Variants in SBK2 observed in about 807,000 individuals in gnomAD.
SBK2 encodes SH3 domain binding kinase family member 2.
SBK2 carries 18 observed loss-of-function variants against 15.9 expected under a neutral mutation model. The observed-to-expected ratio is 1.13, with a 90% CI of 0.78 to 1.68. The LOEUF (loss-of-function observed/expected upper bound fraction) is 1.68, where lower values mean the gene tolerates loss of function less well. Ranked by LOEUF, SBK2 falls within the 40% of genes most tolerant of loss-of-function variation. SBK2 has a pLI of 0.00. For synonymous variants in SBK2, 284 were observed against 246.8 expected, an observed-to-expected ratio of 1.15 and a Z score of -1.41; for missense variants, 581 against 510.9, an observed-to-expected ratio of 1.14 and a Z score of -1.32.
rs769952941 is a variant in SBK2, at chr19:55,529,921, G to A, written c.859C>T (p.Arg287Trp). ...FLIWQASGQP[R>W]DRPQPWFGLA... ...CCGAACCAGGGCTGAGGGCGGTCCCGGGGCTGGCCCGACGCCTGCCAGATG... is the reference window on the plus strand; with the variant it reads ...CCGAACCAGGGCTGAGGGCGGTCCCAGGGCTGGCCCGACGCCTGCCAGATG... Residue 287 changes from arginine (R) to tryptophan (W), a missense_variant, in exon 4 of 4, where the codon CGG becomes TGG. Coordinates refer to ENST00000413299, the MANE Select transcript of SBK2 (RefSeq NM_001370096.2). 1 of 1,534,154 alleles carries A rather than the reference G, an allele frequency of 6.5e-7. No homozygotes were observed. The highest frequency in any genetic ancestry group is 2.1e-5 in the Admixed American group (1 of 47,748).
intron 2 of SBK2, among the ~76,000 whole-genome samples, chr19:55,535,783 C>T (rs900183875): frequency 2.6e-5 from 4 of 152,160 alleles, no homozygotes; most frequent in Admixed American, 2.0e-4. Flanking sequence ...ACATGGGAGG[C>T]TGAGGCAGGA....
At chr19:55,531,577 C>A (rs762172885) in intron 2 of SBK2, among the ~76,000 whole-genome samples, 1 of 152,252 alleles carries the variant, frequency 6.6e-6, no homozygotes, top group African/African-American at 2.4e-5. Flanking sequence ...CAGCTGGGGG[C>A]TCAGGCCTGC....
intron 2 of SBK2, among the ~76,000 whole-genome samples, chr19:55,533,437 C>G (rs917609232): frequency 1.3e-5 from 2 of 151,720 alleles, no homozygotes; most frequent in African/African-American, 2.4e-5. Context: ...CACTTGAGGT[C>G]AGGAGTTCAA....
intron 2 of SBK2, among the ~76,000 whole-genome samples, chr19:55,535,118 T>G (rs567073622): frequency 1.1e-4 from 17 of 152,338 alleles, no homozygotes; most frequent in Non-Finnish European, 2.2e-4. Context: ...ACACTTTTTC[T>G]GCATTCATGC....
rs543318811 is a variant in SBK2 at position 55,528,825 on chromosome 19, G to A, written c.*908C>T. Among the ~76,000 whole-genome samples the A allele has an allele frequency of 6.6e-6, 1 of 152,268 alleles. No homozygotes were observed. The highest frequency in any genetic ancestry group is 1.9e-4 in the East Asian group (1 of 5,178). On this transcript the variant is annotated 3_prime_UTR_variant, in exon 4 of 4. Coordinates refer to ENST00000413299, the MANE Select transcript of SBK2 (RefSeq NM_001370096.2). The stretch of plus-strand genomic sequence containing the variant: ...GATCCCTGCTGCAGGCCATCGCTGA[G>A]TACATGGGGTCTGTCAGCAGACGGA...
At chr19:55,533,042 C>T (rs772128408) in intron 2 of SBK2, among the ~76,000 whole-genome samples, 2 of 152,130 alleles carry the variant, frequency 1.3e-5, no homozygotes, top group Non-Finnish European at 2.9e-5. Flanking sequence ...TAAATTCCCT[C>T]CTTATTGGCC....
At position 55,536,310 on chromosome 19, in the gene SBK2, GA is replaced by G; in HGVS notation, c.-2-15del. The G allele has an allele frequency of 6.7e-7, 1 of 1,490,852 alleles. No individual in the cohort carries two copies. The highest frequency in any genetic ancestry group is 1.8e-5 in the African/African-American group (1 of 56,152). The allele number at this position is 1,490,852 out of a possible 1,614,324, so 92.4% of individuals were successfully genotyped here. ...TGCCGGGCATCTCTGCGAGAACAGAGAGGGGTGCCCAGGCTCAGGTCCCAGG... is the reference window on the plus strand; with the variant it reads ...TGCCGGGCATCTCTGCGAGAACAGAGGGGGTGCCCAGGCTCAGGTCCCAGG... On this transcript the variant is annotated splice_polypyrimidine_tract_variant and intron_variant, in intron 1 of 3. Coordinates refer to ENST00000413299, the MANE Select transcript of SBK2 (RefSeq NM_001370096.2).
In SBK2 at chr19:55,534,458, C is replaced by T. The variant is rs560206638; in HGVS notation, c.253+1584G>A. Among the ~76,000 whole-genome samples the T allele has an allele frequency of 1.4e-3, 219 of 152,138 alleles. 9 individuals carry two copies. In the South Asian group the frequency reaches 0.043, roughly 30 times the overall value. ...GCACGGTGGCGCACACCTGTAATCCCAGCACTTTGGGAGGCTGAGGCAGGA... is the reference window on the plus strand; with the variant it reads ...GCACGGTGGCGCACACCTGTAATCCTAGCACTTTGGGAGGCTGAGGCAGGA... On this transcript the variant is annotated intron_variant, in intron 2 of 3. Coordinates refer to ENST00000413299, the MANE Select transcript of SBK2 (RefSeq NM_001370096.2).
chr19:55,530,051 G>T lies in SBK2; in HGVS notation c.729C>A (p.Ala243=). The part of the protein sequence containing the change: ...PLPEGLPIQP[A]LDAWALGVLL... ...GGACGCCCAGCGCCCAGGCGTCCAGGGCGGGCTGAATGGGCAGGCCCTCGG... is the reference window on the plus strand; with the variant it reads ...GGACGCCCAGCGCCCAGGCGTCCAGTGCGGGCTGAATGGGCAGGCCCTCGG... The change falls in exon 4 of 4, where the codon GCC becomes GCA. Residue 243 remains alanine, a synonymous_variant. Coordinates refer to ENST00000413299, the MANE Select transcript of SBK2 (RefSeq NM_001370096.2). 1 of 1,469,870 alleles carries T rather than the reference G, an allele frequency of 6.8e-7. No individual in the cohort carries two copies. The allele number at this position is 1,469,870 out of a possible 1,614,324, so 91.1% of individuals were successfully genotyped here.
rs756896586 is a variant in SBK2 at position 55,535,999 on chromosome 19, C to T, written c.253+43G>A. 4 of 1,421,754 alleles carry T rather than the reference C, an allele frequency of 2.8e-6. No individual in the cohort carries two copies. The Admixed American group carries it at 8.4e-5, about 30-fold the overall frequency. The allele number at this position is 1,421,754 out of a possible 1,614,324, so 88.1% of individuals were successfully genotyped here. On this transcript the variant is annotated intron_variant, in intron 2 of 3. Transcript: ENST00000413299. Reference sequence around the variant, plus strand: ...TGGGCTACCCCAGGCCCGTGCCCCGCCCCCAGCTGAACCCTGCCACCTCTG... The same window carrying T: ...TGGGCTACCCCAGGCCCGTGCCCCGTCCCCAGCTGAACCCTGCCACCTCTG...
chr19:55,530,157 C>T lies in SBK2; in HGVS notation c.623G>A (p.Arg208Lys), dbSNP rs1988215690. ...CAGGCGCAGCAGCGTCCCGCGAGGC[C>T]TCGTGTGGCCGAAGTCGGTCAGCTT... is the stretch of plus-strand genomic sequence containing the variant. ...RFKLTDFGHT[R>K]PRGTLLRLAG... Residue 208 changes from arginine to lysine, a missense_variant, in exon 4 of 4, where the codon AGG becomes AAG. Physicochemically the swap from Arg to Lys is conservative, Grantham distance 26. Transcript: ENST00000413299. 2.6e-6 allele frequency: 4 copies of T among 1,516,010 alleles called. No homozygotes were observed. The highest frequency in any genetic ancestry group is 3.5e-6 in the Non-Finnish European group (4 of 1,133,774). 93.9% of individuals were successfully genotyped at this position (1,516,010 alleles called of 1,614,324 possible).
rs983540490 is a variant in SBK2, at chr19:55,530,059, G to C, written c.721C>G (p.Gln241Glu). 4.1e-6 allele frequency: 6 copies of C among 1,461,134 alleles called. No individual in the cohort carries two copies. The African/African-American group carries it at 7.4e-5, about 18-fold the overall frequency. The allele number at this position is 1,461,134 out of a possible 1,614,324, so 90.5% of individuals were successfully genotyped here. Residue 241 changes from glutamine to glutamate, a missense_variant, in exon 4 of 4, where the codon CAG becomes GAG. Physicochemically the swap from Gln to Glu is conservative, Grantham distance 29. Coordinates refer to ENST00000413299, the MANE Select transcript of SBK2 (RefSeq NM_001370096.2). ...AGCGCCCAGGCGTCCAGGGCGGGCT[G>C]AATGGGCAGGCCCTCGGGGAGCGGC... ...PPPLPEGLPI[Q>E]PALDAWALGV...
At position 55,530,082 on chromosome 19, in the gene SBK2, G is replaced by A. The variant is rs990574585; in HGVS notation, c.698C>T (p.Pro233Leu). Reference sequence around the variant, plus strand: ...CTGAATGGGCAGGCCCTCGGGGAGCGGCGGGGGCGCGCAGAGCTCGGGGGC... The same window carrying A: ...CTGAATGGGCAGGCCCTCGGGGAGCAGCGGGGGCGCGCAGAGCTCGGGGGC... Reference protein sequence around the residue: ...YTAPELCAPPPLPEGLPIQPA... With the variant: ...YTAPELCAPPLLPEGLPIQPA... Residue 233 changes from proline to leucine, a missense_variant, in exon 4 of 4, where the codon CCG becomes CTG. Physicochemically the swap from Pro to Leu is moderately conservative, Grantham distance 98. Coordinates refer to ENST00000413299, the MANE Select transcript of SBK2 (RefSeq NM_001370096.2). 8 of 1,441,108 alleles carry A rather than the reference G, an allele frequency of 5.6e-6. No homozygotes were observed. Among genetic ancestry groups the A allele is most frequent in the Middle Eastern group, 2.0e-4 (1 of 5,036 alleles). 89.3% of individuals were successfully genotyped at this position (1,441,108 alleles called of 1,614,324 possible). A position where few individuals can be genotyped will look rare whatever the true frequency, so the allele number is the denominator to read the frequency against.
At position 55,530,069 on chromosome 19, in the gene SBK2, G is replaced by T; in HGVS notation, c.711C>A (p.Gly237=). The T allele has an allele frequency of 6.9e-7, 1 of 1,450,098 alleles. No individual in the cohort carries two copies. 89.8% of individuals were successfully genotyped at this position (1,450,098 alleles called of 1,614,324 possible). A position where few individuals can be genotyped will look rare whatever the true frequency, so the allele number is the denominator to read the frequency against. ...CGTCCAGGGCGGGCTGAATGGGCAG[G>T]CCCTCGGGGAGCGGCGGGGGCGCGC... ...ELCAPPPLPE[G]LPIQPALDAW... is the part of the protein sequence containing the mutation. The change falls in exon 4 of 4, where the codon GGC becomes GGA. Residue 237 remains glycine (G), a synonymous_variant. Transcript: ENST00000413299.
In SBK2 at chr19:55,529,125, T is replaced by A. The variant is rs151044824; in HGVS notation, c.*608A>T. Among the ~76,000 whole-genome samples the A allele has an allele frequency of 9.9e-3, 1,505 of 151,948 alleles. 28 individuals carry two copies. The highest frequency in any genetic ancestry group is 0.033 in the African/African-American group (1,364 of 41,220). ...AAAGTTAAAAATTAGCCTAGCGTGG[T>A]GGCGCATGCCTGTAGTCCCAGCTAC... On this transcript the variant is annotated 3_prime_UTR_variant, in exon 4 of 4. Transcript: ENST00000413299.
chr19:55,532,273 C>T (rs549529503), intron 2 of SBK2, among the ~76,000 whole-genome samples: 14 of 150,996 alleles, frequency 9.3e-5, no homozygotes, highest in South Asian at 2.1e-4. Flanking sequence ...CTAAACTCCC[C>T]GAAGGAACTT....
rs375021940 is a variant in SBK2, at chr19:55,531,160, C to T, written c.439G>A (p.Ala147Thr). The T allele has an allele frequency of 3.3e-5, 53 of 1,612,032 alleles. No individual in the cohort carries two copies. In the South Asian group the frequency reaches 3.3e-4, roughly 10 times the overall value. Residue 147 changes from alanine (A) to threonine (T), a missense_variant, in exon 3 of 4, where the codon GCC (alanine) becomes ACC (threonine). Ala to Thr is a moderately conservative substitution (Grantham distance 58, BLOSUM62 0). Transcript: ENST00000413299. ...TEPVLHGDLM[A>T]FIQPKVGLPQ... ...CTACGCACCTTGGGCTGGATGAAGGCCATGAGGTCCCCGTGCAGGACGGGC... is the reference window on the plus strand; with the variant it reads ...CTACGCACCTTGGGCTGGATGAAGGTCATGAGGTCCCCGTGCAGGACGGGC...
rs759778229 is a variant in SBK2 at position 55,529,830 on chromosome 19, G to C, written c.950C>G (p.Ala317Gly). Reference protein sequence around the residue: ...LLDPHPRRRSAVIAIREHLGR... With the variant: ...LLDPHPRRRSGVIAIREHLGR... ...CAGGTGCTCCCTGATGGCGATCACA[G>C]CGCTCCTCCTTCGGGGGTGAGGGTC... The change falls in exon 4 of 4, where the codon GCT (alanine) becomes GGT (glycine). Residue 317 changes from alanine (A) to glycine (G), a missense_variant. Physicochemically the swap from Ala to Gly is moderately conservative, Grantham distance 60 (BLOSUM62 0). Coordinates refer to ENST00000413299, the MANE Select transcript of SBK2 (RefSeq NM_001370096.2). 4 of 1,604,084 alleles carry C rather than the reference G, an allele frequency of 2.5e-6. No individual in the cohort carries two copies. The highest frequency in any genetic ancestry group is 3.4e-6 in the Non-Finnish European group (4 of 1,179,404).
chr19:55,536,280 CTGTT>C lies in SBK2; in HGVS notation c.11_14del (p.Lys4SerfsTer23). ...CTGCCTCCGCCGGCCCTTCCTCAGA[CTGTT>C]TGCCGGGCATCTCTGCGAGAACAGA... On this transcript the variant is annotated frameshift_variant, in exon 2 of 4. Coordinates refer to ENST00000413299, the MANE Select transcript of SBK2 (RefSeq NM_001370096.2). LOFTEE classifies it high-confidence loss of function. 1 of 1,580,952 alleles carries C rather than the reference CTGTT, an allele frequency of 6.3e-7. No homozygotes were observed. The highest frequency in any genetic ancestry group is 8.6e-7 in the Non-Finnish European group (1 of 1,163,838).
Sources: allele counts gnomAD v4.1 joint callset (sites outside exome capture counted in the v4.1 genomes callset), GRCh38; gene constraint gnomAD v4.1.1; transcripts MANE v1.5; gene names NCBI Gene and HGNC (gene_info 2026-07-23, HGNC 2026-07-21).